Variants in REDIC1 observed in about 807,000 individuals in gnomAD.
REDIC1 encodes HEI10 Interacting Protein 1.
At chr12:39,751,100 G>A in the REDIC1 span, among the ~76,000 whole-genome samples, 1 of 152,280 alleles carries the variant, frequency 6.6e-6, no homozygotes, top group Non-Finnish European at 1.5e-5. Flanking sequence ...CACAGCAAAA[G>A]AAACTACTAT....
chr12:39,843,760 A>G, the REDIC1 span, among the ~76,000 whole-genome samples: 2 of 152,092 alleles, frequency 1.3e-5, no homozygotes, highest in African/African-American at 2.4e-5. Context: ...TATCTGAGAT[A>G]TAAGCAGAGT....
the REDIC1 span, among the ~76,000 whole-genome samples, chr12:39,878,364 G>A: frequency 1.1e-4 from 16 of 152,336 alleles, no homozygotes; most frequent in East Asian, 1.9e-4. Context: ...TTAAGAGACC[G>A]ACTAAATGGT....
chr12:39,869,201 AAAATC>A, the REDIC1 span, among the ~76,000 whole-genome samples: 1 of 152,244 alleles, frequency 6.6e-6, no homozygotes, highest in African/African-American at 2.4e-5. Flanking sequence ...ATGTGAAAGA[AAAATC>A]AATTGTGAGT....
the REDIC1 span, chr12:39,684,197 A>T: frequency 1.9e-6 from 2 of 1,034,052 alleles, no homozygotes; most frequent in Non-Finnish European, 1.2e-6. Context: ...TTTATTCCTT[A>T]AAAGTTTGAG....
the REDIC1 span, among the ~76,000 whole-genome samples, chr12:39,818,825 T>C: frequency 6.6e-6 from 1 of 152,154 alleles, no homozygotes; most frequent in Non-Finnish European, 1.5e-5. Context: ...ATATAAAATA[T>C]TGTTATAAGT....
chr12:39,653,509 C>CT, the REDIC1 span, among the ~76,000 whole-genome samples: 1 of 44,052 alleles, frequency 2.3e-5, no homozygotes. Context: ...TCTTCTTCTT[C>CT]TTCTTCTTCT....
At chr12:39,702,946 A>AC in the REDIC1 span, among the ~76,000 whole-genome samples, 1 of 152,190 alleles carries the variant, frequency 6.6e-6, no homozygotes, top group Admixed American at 6.5e-5. Context: ...AAATAATAAG[A>AC]GCTATCTATG....
chr12:39,738,733 G>C, the REDIC1 span, among the ~76,000 whole-genome samples: 1 of 152,132 alleles, frequency 6.6e-6, no homozygotes, highest in Admixed American at 6.5e-5. Context: ...TTTTAGATGA[G>C]ATCAGATTCA....
chr12:39,871,716 G>T, the REDIC1 span: 1 of 1,354,226 alleles, frequency 7.4e-7, no homozygotes, highest in Non-Finnish European at 9.9e-7. Context: ...TAGAAGTGGT[G>T]TAAGTATTGT....
chr12:39,627,967 G>A, the REDIC1 span, among the ~76,000 whole-genome samples: 1 of 152,198 alleles, frequency 6.6e-6, no homozygotes, highest in Non-Finnish European at 1.5e-5. Flanking sequence ...GTGGGTGATG[G>A]TGGTAGTTAA....
chr12:39,895,549 T>C, the REDIC1 span, among the ~76,000 whole-genome samples: 14,946 of 72,230 alleles, frequency 0.21, 2,779 homozygotes, highest in Admixed American at 0.26. Context: ...TATATATATA[T>C]ATACACACAC....
At chr12:39,676,007 A>G in the REDIC1 span, among the ~76,000 whole-genome samples, 1 of 152,202 alleles carries the variant, frequency 6.6e-6, no homozygotes, top group African/African-American at 2.4e-5. Context: ...AGAAGGAACC[A>G]GAAAAGTAAT....
At chr12:39,664,839 T>A in the REDIC1 span, among the ~76,000 whole-genome samples, 1 of 152,242 alleles carries the variant, frequency 6.6e-6, no homozygotes, top group African/African-American at 2.4e-5. Context: ...ATGATGAGCA[T>A]TTTTTCATGT....
chr12:39,775,468 T>G, the REDIC1 span, among the ~76,000 whole-genome samples: 2,808 of 152,360 alleles, frequency 0.018, 101 homozygotes, highest in African/African-American at 0.065. Context: ...GGCTACGGGC[T>G]CAGAGGAGCC....
chr12:39,763,566 C>A, the REDIC1 span, among the ~76,000 whole-genome samples: 1 of 151,964 alleles, frequency 6.6e-6, no homozygotes, highest in Admixed American at 6.6e-5. Flanking sequence ...GAGCTAAGGG[C>A]AGACAAACCT....
At chr12:39,732,159 T>A in the REDIC1 span, among the ~76,000 whole-genome samples, 30 of 152,238 alleles carry the variant, frequency 2.0e-4, no homozygotes, top group Non-Finnish European at 2.9e-4. Flanking sequence ...AAATCTGATA[T>A]GTCTTTTAGA....
the REDIC1 span, among the ~76,000 whole-genome samples, chr12:39,804,924 GAGAA>G: frequency 6.6e-6 from 1 of 152,190 alleles, no homozygotes; most frequent in Non-Finnish European, 1.5e-5. Flanking sequence ...ATGCTGGGCA[GAGAA>G]AGAAAACACT....
At chr12:39,829,368 A>G in the REDIC1 span, 1 of 148,246 alleles carries the variant, frequency 6.7e-6, no homozygotes, top group Non-Finnish European at 1.5e-5. Flanking sequence ...AAGTTCCATA[A>G]AAGAATGTAA....
At chr12:39,701,927 CA>C in the REDIC1 span, among the ~76,000 whole-genome samples, 1 of 152,034 alleles carries the variant, frequency 6.6e-6, no homozygotes, top group Non-Finnish European at 1.5e-5. Context: ...ATCTCTGGGA[CA>C]CATTTAAAGC....
Sources: gnomAD v4.1 joint callset for allele counts (sites outside exome capture counted in the v4.1 genomes callset) on GRCh38, gnomAD v4.1.1 for gene constraint, MANE v1.5 for transcripts, NCBI Gene and HGNC (gene_info 2026-07-23, HGNC 2026-07-21) for gene names.